Variants in ITFG1 observed in about 807,000 individuals in gnomAD.
ITFG1 encodes T-cell immunomodulatory protein.
A neutral mutation model predicts 81.8 loss-of-function variants in ITFG1; 34 were observed. The observed-to-expected ratio is 0.42, with a 90% CI of 0.32 to 0.55. The LOEUF (loss-of-function observed/expected upper bound fraction) is 0.55, where lower values mean the gene tolerates loss of function less well. Among genes scored for constraint, ITFG1 ranks in the 20% least tolerant of loss-of-function variants. The pLI, the probability that ITFG1 is intolerant of heterozygous loss-of-function variation, is 0.17. For missense variants in ITFG1, 672 were observed against 755.4 expected, an observed-to-expected ratio of 0.89 and a Z score of 1.29; for synonymous variants, 285 against 270.6, an observed-to-expected ratio of 1.05 and a Z score of -0.52.
chr16:47,415,406 A>T (rs553101885), intron 6 of ITFG1, among the ~76,000 whole-genome samples: 2 of 152,214 alleles, frequency 1.3e-5, no homozygotes, highest in Non-Finnish European at 2.9e-5. Flanking sequence ...GAATGACATG[A>T]TCAGGTTACT....
intron 10 of ITFG1, among the ~76,000 whole-genome samples, chr16:47,286,896 AC>A (rs1966871724): frequency 2.0e-5 from 3 of 152,198 alleles, no homozygotes; most frequent in African/African-American, 7.2e-5. Context: ...TAAAAAACTC[AC>A]TGAACATCTC....
intron 14 of ITFG1, among the ~76,000 whole-genome samples, chr16:47,206,082 T>G (rs1202302269): frequency 6.6e-6 from 1 of 152,084 alleles, no homozygotes; most frequent in Non-Finnish European, 1.5e-5. Flanking sequence ...GTCTGGCTAG[T>G]CTCAAACTCC....
intron 10 of ITFG1, among the ~76,000 whole-genome samples, chr16:47,276,379 G>A (rs1419058963): frequency 6.6e-6 from 1 of 152,112 alleles, no homozygotes; most frequent in African/African-American, 2.4e-5. Flanking sequence ...ATTACCAGGG[G>A]AAATGTAAAG....
At chr16:47,283,502 C>T (rs904861367) in intron 10 of ITFG1, among the ~76,000 whole-genome samples, 6 of 152,158 alleles carry the variant, frequency 3.9e-5, no homozygotes, top group Non-Finnish European at 7.4e-5. Context: ...TCTGTCCATT[C>T]TATTGGTTTT....
At chr16:47,188,307 T>C (rs1294096097) in intron 14 of ITFG1, among the ~76,000 whole-genome samples, 2 of 152,048 alleles carry the variant, frequency 1.3e-5, no homozygotes, top group African/African-American at 2.4e-5. Flanking sequence ...TAAAGACACA[T>C]GTGCACGTAT....
At chr16:47,239,406 G>A (rs1322910830) in intron 12 of ITFG1, among the ~76,000 whole-genome samples, 2 of 152,108 alleles carry the variant, frequency 1.3e-5, no homozygotes, top group African/African-American at 4.8e-5. Context: ...TCACCATGCT[G>A]GCCAGGATGG....
chr16:47,401,363 C>T (rs1968660122), intron 6 of ITFG1, among the ~76,000 whole-genome samples: 2 of 152,148 alleles, frequency 1.3e-5, no homozygotes, highest in Non-Finnish European at 2.9e-5. Context: ...AATTTGGGAG[C>T]TGGTAGCATA....
intron 5 of ITFG1, among the ~76,000 whole-genome samples, chr16:47,451,135 A>T (rs1016260337): frequency 1.3e-5 from 2 of 152,208 alleles, no homozygotes; most frequent in African/African-American, 4.8e-5. Context: ...CCATTTCAAA[A>T]ACATTTAATG....
At chr16:47,161,598 T>G in intron 16 of ITFG1, 152 bp downstream of exon 16, 1 of 483,942 alleles carries the variant, frequency 2.1e-6, no homozygotes. Context: ...TATGTAAGTA[T>G]GTTTAGTCAT....
intron 10 of ITFG1, among the ~76,000 whole-genome samples, chr16:47,305,277 G>A (rs574249731): frequency 2.0e-4 from 30 of 152,164 alleles, no homozygotes; most frequent in South Asian, 4.1e-4. Context: ...ATATTTTCTG[G>A]GTTGCTTTCA....
chr16:47,408,617 A>G, intron 6 of ITFG1, among the ~76,000 whole-genome samples: 1 of 152,064 alleles, frequency 6.6e-6, no homozygotes, highest in East Asian at 1.9e-4. Context: ...CATGATAACT[A>G]TTTTCCAAAA....
intron 14 of ITFG1, among the ~76,000 whole-genome samples, chr16:47,181,518 C>G (rs1596789696): frequency 2.1e-5 from 3 of 144,416 alleles, no homozygotes; most frequent in Non-Finnish European, 4.6e-5. Flanking sequence ...GTCAGCCCCC[C>G]CACCCGGCCA....
At chr16:47,441,341 C>T (rs1188430236) in intron 5 of ITFG1, among the ~76,000 whole-genome samples, 1 of 152,176 alleles carries the variant, frequency 6.6e-6, no homozygotes, top group Admixed American at 6.6e-5. Context: ...AGGCCAGCAT[C>T]AACCTGATAC....
chr16:47,440,837 A>G (rs1175237508), intron 5 of ITFG1, among the ~76,000 whole-genome samples: 1 of 152,240 alleles, frequency 6.6e-6, no homozygotes, highest in Non-Finnish European at 1.5e-5. Flanking sequence ...AACTAAGATC[A>G]GAGCAGAACT....
intron 8 of ITFG1, among the ~76,000 whole-genome samples, chr16:47,347,249 C>T (rs1033785588): frequency 6.6e-6 from 1 of 152,244 alleles, no homozygotes. Context: ...GGCGAGGCAT[C>T]GCCCCACCCA....
chr16:47,191,804 C>T (rs1469220902), intron 14 of ITFG1, among the ~76,000 whole-genome samples: 5 of 152,104 alleles, frequency 3.3e-5, no homozygotes, highest in African/African-American at 4.8e-5. Context: ...CGTGAGCCAC[C>T]GCGCCTGCCC....
At chr16:47,349,887 G>C (rs1967923976) in intron 8 of ITFG1, among the ~76,000 whole-genome samples, 1 of 152,176 alleles carries the variant, frequency 6.6e-6, no homozygotes, top group Non-Finnish European at 1.5e-5. Context: ...AATCAAACTA[G>C]AACTCAGGAT....
At position 47,258,722 on chromosome 16, in the gene ITFG1, C is replaced by T; in HGVS notation, c.1240G>A (p.Val414Met). 1 of 1,510,456 alleles carries T rather than the reference C, an allele frequency of 6.6e-7. No individual in the cohort carries two copies. The highest frequency in any genetic ancestry group is 8.9e-7 in the Non-Finnish European group (1 of 1,119,460). The allele number at this position is 1,510,456 out of a possible 1,614,324, so 93.6% of individuals were successfully genotyped here. Residue 414 changes from valine to methionine, a missense_variant, in exon 12 of 18, where the codon GTG becomes ATG. Coordinates refer to ENST00000320640, the MANE Select transcript of ITFG1 (RefSeq NM_030790.5). Reference sequence around the variant, plus strand: ...TTCTTTGTATATCCTTTACTTAGCACTACAATGTCCAAGATTCCCTGGAAA... The same window carrying T: ...TTCTTTGTATATCCTTTACTTAGCATTACAATGTCCAAGATTCCCTGGAAA... Reference protein sequence around the residue: ...IYEDGILDIVVLSKGYTKNDF... With the variant: ...IYEDGILDIVMLSKGYTKNDF...
chr16:47,427,928 G>A (rs1969044358), intron 6 of ITFG1, among the ~76,000 whole-genome samples: 1 of 152,224 alleles, frequency 6.6e-6, no homozygotes, highest in Non-Finnish European at 1.5e-5. Flanking sequence ...GAGCCAAGGA[G>A]TTCAAGACCA....
Sources: gnomAD v4.1 joint callset for allele counts (sites outside exome capture counted in the v4.1 genomes callset) on GRCh38, gnomAD v4.1.1 for gene constraint, MANE v1.5 for transcripts, NCBI Gene and HGNC (gene_info 2026-07-23, HGNC 2026-07-21) for gene names.